The following FRMD6 variants were observed in gnomAD, a reference collection of about 807,000 sequenced individuals.
FRMD6 encodes FERM domain containing 6, also known as FERM domain-containing protein 6.
Under a neutral mutation model 73.2 loss-of-function variants are expected in FRMD6, and 37 were observed. The ratio of observed to expected loss-of-function variants is 0.51; its 90% confidence interval spans 0.39 to 0.66. The LOEUF is 0.66. Among genes scored for constraint, FRMD6 ranks in the 30% least tolerant of loss-of-function variants. The pLI, the probability that FRMD6 is intolerant of heterozygous loss-of-function variation, is 0.00. For synonymous variants in FRMD6, 273 were observed against 282.2 expected, an observed-to-expected ratio of 0.97 and a Z score of 0.33; for missense variants, 714 against 780.5, an observed-to-expected ratio of 0.91 and a Z score of 1.02.
At chr14:51,453,551 T>C in the FRMD6 span, among the ~76,000 whole-genome samples, 20 of 152,332 alleles carry the variant, frequency 1.3e-4, no homozygotes, top group Admixed American at 2.6e-4. Flanking sequence ...TGGAAAACTT[T>C]AGTAAATAGA....
rs1897192430 is a variant in FRMD6 at position 51,715,557 on chromosome 14, A to C, written c.1024+58A>C. Reference sequence around the variant, plus strand: ...GTACCTTTGCCACCTGTGGCCTCTTACTCTGAATGGGGGTTTTGAGCTCCT... The same window carrying C: ...GTACCTTTGCCACCTGTGGCCTCTTCCTCTGAATGGGGGTTTTGAGCTCCT... On this transcript the variant is annotated intron_variant, in intron 10 of 13. Coordinates refer to ENST00000344768, the MANE Select transcript of FRMD6 (RefSeq NM_001267046.2). 16 of 1,409,542 alleles carry C rather than the reference A, an allele frequency of 1.1e-5. No homozygotes were observed. The South Asian group carries it at 2.5e-4, about 22-fold the overall frequency. The allele number at this position is 1,409,542 out of a possible 1,614,324, so 87.3% of individuals were successfully genotyped here. A position where few individuals can be genotyped will look rare whatever the true frequency, so the allele number is the denominator to read the frequency against.
intron 1 of FRMD6, among the ~76,000 whole-genome samples, chr14:51,527,396 C>T (rs1885317380): frequency 1.3e-5 from 2 of 152,190 alleles, no homozygotes; most frequent in Non-Finnish European, 2.9e-5. Context: ...ACAGCTTGTC[C>T]CCAAACATCC....
chr14:51,576,465 C>T (rs79403797), intron 2 of FRMD6, among the ~76,000 whole-genome samples: 1,553 of 152,270 alleles, frequency 0.01, 28 homozygotes, highest in African/African-American at 0.035. Context: ...CTTCTGAACT[C>T]GGGCATGCCT....
chr14:51,534,593 C>T (rs957856990), intron 1 of FRMD6, among the ~76,000 whole-genome samples: 2 of 152,124 alleles, frequency 1.3e-5, no homozygotes, highest in South Asian at 4.1e-4. Flanking sequence ...TTAGCTTTTC[C>T]TTCTATAACA....
At chr14:51,587,212 G>A (rs1282389982) in intron 2 of FRMD6, among the ~76,000 whole-genome samples, 6 of 152,216 alleles carry the variant, frequency 3.9e-5, no homozygotes, top group Non-Finnish European at 8.8e-5. Flanking sequence ...TGTTAGGTAT[G>A]TGGCTTTATT....
At chr14:51,516,417 A>C (rs527820931) in intron 1 of FRMD6, among the ~76,000 whole-genome samples, 2 of 152,352 alleles carry the variant, frequency 1.3e-5, no homozygotes, top group African/African-American at 2.4e-5. Context: ...AGTAGAAGAC[A>C]TCAGACTCGG....
intron 1 of FRMD6, chr14:51,546,602 A>AC (rs1250556393): frequency 6.6e-6 from 1 of 150,500 alleles, no homozygotes; most frequent in African/African-American, 2.5e-5. Context: ...AAAAAAAAAA[A>AC]AAAACCTGTG....
intron 3 of FRMD6, among the ~76,000 whole-genome samples, chr14:51,700,284 T>C (rs1211120374): frequency 6.6e-6 from 1 of 152,076 alleles, no homozygotes; most frequent in Non-Finnish European, 1.5e-5. Context: ...TTTAAAAGAT[T>C]ATCTTTGGGA....
At chr14:51,492,522 C>T (rs187219924) in intron 1 of FRMD6, among the ~76,000 whole-genome samples, 18 of 151,946 alleles carry the variant, frequency 1.2e-4, no homozygotes, top group Non-Finnish European at 1.9e-4. Context: ...TCCCCTTAAA[C>T]GTCTTAGAAA....
chr14:51,536,521 G>A (rs886162804), intron 1 of FRMD6, among the ~76,000 whole-genome samples: 2 of 151,918 alleles, frequency 1.3e-5, no homozygotes, highest in African/African-American at 2.4e-5. Flanking sequence ...GGGTTCAAGC[G>A]ATTCTCCTGC....
chr14:51,523,436 G>A lies in FRMD6; in HGVS notation c.-210+34016G>A, dbSNP rs540262303. Reference sequence around the variant, plus strand: ...CCTGGAAGGCACATATGCAGAACTGGGGCAACGCTGAATAGAGCTGGAAAG... The same window carrying A: ...CCTGGAAGGCACATATGCAGAACTGAGGCAACGCTGAATAGAGCTGGAAAG... On this transcript the variant is annotated intron_variant, in intron 1 of 14. Coordinates refer to the FRMD6 transcript ENST00000356218. 4.7e-3 allele frequency among the ~76,000 whole-genome samples: 715 copies of A among 152,236 alleles called. 7 individuals are homozygous for A. The highest frequency in any genetic ancestry group is 5.9e-3 in the Non-Finnish European group (403 of 68,008).
chr14:51,418,544 G>A, the FRMD6 span, among the ~76,000 whole-genome samples: 4 of 152,200 alleles, frequency 2.6e-5, no homozygotes, highest in Non-Finnish European at 5.9e-5. Context: ...CCTTCCTCTG[G>A]AAGCTTCATC....
At chr14:51,690,850 AT>A (rs11397229) in intron 2 of FRMD6, among the ~76,000 whole-genome samples, 10 of 151,532 alleles carry the variant, frequency 6.6e-5, no homozygotes, top group Non-Finnish European at 1.5e-4. Context: ...GAGGAATGTG[AT>A]TTTTTTTTAA....
the FRMD6 span, among the ~76,000 whole-genome samples, chr14:51,402,559 C>T: frequency 6.6e-6 from 1 of 152,180 alleles, no homozygotes; most frequent in East Asian, 1.9e-4. Context: ...TGTGAGGCTT[C>T]CCCAGCCATG....
intron 1 of FRMD6, among the ~76,000 whole-genome samples, chr14:51,544,690 T>C (rs1231090143): frequency 6.6e-6 from 1 of 152,032 alleles, no homozygotes; most frequent in East Asian, 1.9e-4. Flanking sequence ...TTTTTTTTAA[T>C]CAATTTTACT....
the FRMD6 span, among the ~76,000 whole-genome samples, chr14:51,418,592 C>T: frequency 6.6e-6 from 1 of 152,196 alleles, no homozygotes; most frequent in Non-Finnish European, 1.5e-5. Flanking sequence ...GTCAGTCGGC[C>T]CCTACTGGGA....
At chr14:51,620,178 C>T (rs1344490893) in intron 2 of FRMD6, among the ~76,000 whole-genome samples, 1 of 152,142 alleles carries the variant, frequency 6.6e-6, no homozygotes, top group Non-Finnish European at 1.5e-5. Context: ...GCTTGACTTG[C>T]TCTGTGGAGG....
chr14:51,711,431 C>A, intron 7 of FRMD6, 100 bp from the exon 8 acceptor site: 1 of 718,356 alleles, frequency 1.4e-6, no homozygotes, highest in South Asian at 2.3e-5. Flanking sequence ...ACTTTTCAGT[C>A]CTGAATTTCA....
the FRMD6 span, among the ~76,000 whole-genome samples, chr14:51,451,646 G>C: frequency 6.6e-6 from 1 of 152,192 alleles, no homozygotes; most frequent in Non-Finnish European, 1.5e-5. Context: ...CTCCCAAAGT[G>C]CTGGAGTTAC....
Sources: gnomAD v4.1 joint callset for allele counts (sites outside exome capture counted in the v4.1 genomes callset) on GRCh38, gnomAD v4.1.1 for gene constraint, MANE v1.5 for transcripts, NCBI Gene and HGNC (gene_info 2026-07-23, HGNC 2026-07-21) for gene names.